The following ARHGEF4 variants were observed in gnomAD, a reference collection of about 807,000 sequenced individuals.
ARHGEF4 encodes the protein Rho guanine nucleotide exchange factor 4.
A neutral mutation model predicts 162.0 loss-of-function variants in ARHGEF4; 119 were observed. That is an observed-to-expected ratio of 0.73 (90% CI 0.63 to 0.86). The LOEUF (loss-of-function observed/expected upper bound fraction) is 0.86. ARHGEF4 is among the 40% of genes least tolerant of loss of function. The pLI is 0.00. For synonymous variants in ARHGEF4, 1,014 were observed against 979.9 expected, an observed-to-expected ratio of 1.03 and a Z score of -0.65; for missense variants, 2,488 against 2,456.0, an observed-to-expected ratio of 1.01 and a Z score of -0.28.
chr2:130,928,096 G>C (rs1682404463), intron 2 of ARHGEF4, among the ~76,000 whole-genome samples: 1 of 151,964 alleles, frequency 6.6e-6, no homozygotes, highest in Non-Finnish European at 1.5e-5. Context: ...TAAATGCCTA[G>C]CAATCTTTGG....
intron 1 of ARHGEF4, among the ~76,000 whole-genome samples, chr2:130,839,561 G>A (rs984783108): frequency 6.6e-6 from 1 of 152,178 alleles, no homozygotes; most frequent in Admixed American, 6.5e-5. Flanking sequence ...CATGACAGTC[G>A]TGTGGCAGAG....
Position 130,917,495 on chromosome 2 carries a change from T to A in ARHGEF4, c.3549T>A (p.Ser1183Arg), listed in dbSNP as rs1681575331. 2 of 1,547,796 alleles carry A rather than the reference T, an allele frequency of 1.3e-6. No individual in the cohort carries two copies. The highest frequency in any genetic ancestry group is 1.7e-6 in the Non-Finnish European group (2 of 1,146,088). ...CCTGGCTCAGGGACCTTCCTGGGAG[T>A]GAGGTGAGTATCTGAATCGCACCAA... is the stretch of plus-strand genomic sequence containing the variant. The part of the protein sequence containing the change: ...TVPWLRDLPG[S>R]ENHMPWEEPA... Residue 1183 changes from serine to arginine, a missense_variant, in exon 2 of 14, where the codon AGT (serine) becomes AGA (arginine). Ser to Arg is a moderately radical substitution (Grantham distance 110). Coordinates refer to ENST00000409359, the MANE Select transcript of ARHGEF4 (RefSeq NM_001367493.1).
chr2:130,971,982 G>A (rs566527798), intron 4 of ARHGEF4, among the ~76,000 whole-genome samples: 1 of 152,292 alleles, frequency 6.6e-6, no homozygotes, highest in African/African-American at 2.4e-5. Flanking sequence ...CCAGGTACTA[G>A]GCCAGTTTTT....
chr2:130,863,941 T>G (rs2104910284), intron 1 of ARHGEF4, among the ~76,000 whole-genome samples: 1 of 126,450 alleles, frequency 7.9e-6, no homozygotes, highest in South Asian at 3.0e-4. Context: ...TCCCAGCACT[T>G]TGGGAGGCCG....
chr2:131,025,255 G>A (rs570382321), intron 4 of ARHGEF4, among the ~76,000 whole-genome samples: 30 of 152,236 alleles, frequency 2.0e-4, no homozygotes, highest in African/African-American at 5.8e-4. Context: ...GGGAAGTGCT[G>A]CATACTTTTA....
At chr2:130,871,057 C>T (rs1330402523) in intron 1 of ARHGEF4, among the ~76,000 whole-genome samples, 7 of 152,084 alleles carry the variant, frequency 4.6e-5, no homozygotes, top group Non-Finnish European at 5.9e-5. Flanking sequence ...CAGTGGGAGA[C>T]GAGCTCCAAC....
chr2:131,021,944 T>C (rs1689161867), intron 4 of ARHGEF4, among the ~76,000 whole-genome samples: 1 of 152,246 alleles, frequency 6.6e-6, no homozygotes, highest in South Asian at 2.1e-4. Flanking sequence ...GTTAATTTAG[T>C]GTATTATATT....
Position 130,917,459 on chromosome 2 carries a change from G to A in ARHGEF4, c.3513G>A (p.Leu1171=). 1.3e-6 allele frequency: 2 copies of A among 1,550,490 alleles called. No homozygotes were observed. The highest frequency in any genetic ancestry group is 1.7e-6 in the Non-Finnish European group (2 of 1,146,970). ...AAGGAGGCCAGGGTCCGCGCGGCTT[G>A]GGCACAGTGCCCTGGCTCAGGGACC... ...SREGGQGPRG[L]GTVPWLRDLP... is the part of the protein sequence containing the mutation. Residue 1171 remains leucine, a synonymous_variant, in exon 2 of 14, where the codon TTG becomes TTA. Coordinates refer to ENST00000409359, the MANE Select transcript of ARHGEF4 (RefSeq NM_001367493.1).
chr2:130,917,396 G>C lies in ARHGEF4; in HGVS notation c.3450G>C (p.Gln1150His). Residue 1150 changes from glutamine to histidine, a missense_variant, in exon 2 of 14, where the codon CAG (glutamine) becomes CAC (histidine). By Grantham distance (24) the Gln-to-His change is conservative (BLOSUM62 0). This residue lies in a region of ARHGEF4 where 1,642 missense variants were observed against 1,481.5 expected (regional missense o/e 1.11). Transcript: ENST00000409359. The part of the protein sequence containing the change: ...KGQTSFLLSL[Q>H]TLNQDEQKEE... The stretch of plus-strand genomic sequence containing the variant: ...AGACCAGTTTCCTGCTTTCTCTGCA[G>C]ACGCTAAACCAAGATGAGCAGAAGG... The C allele has an allele frequency of 6.4e-7, 1 of 1,550,656 alleles. No individual in the cohort carries two copies. The highest frequency in any genetic ancestry group is 2.4e-5 in the East Asian group (1 of 40,916).
chr2:130,928,490 C>T lies in ARHGEF4; in HGVS notation c.3553-2462C>T, dbSNP rs764580033. Among the ~76,000 whole-genome samples, 9 of 152,172 alleles carry T rather than the reference C, an allele frequency of 5.9e-5. No homozygotes were observed. In the East Asian group the frequency reaches 9.6e-4, roughly 16 times the overall value. On this transcript the variant is annotated intron_variant, in intron 2 of 13. Transcript: ENST00000409359. ...CAATTATTCAGGACCACAAGTCTCT[C>T]GTGTTTGATCTTGGCTGGCAGTTTG...
At chr2:130,964,294 G>T in intron 4 of ARHGEF4, 1 of 981,688 alleles carries the variant, frequency 1.0e-6, no homozygotes, top group Non-Finnish European at 1.2e-6. Flanking sequence ...CTCCGCGCCC[G>T]GGTCTGTGCT....
rs1170359041 is a variant in ARHGEF4, at chr2:131,040,460, C to T, written c.4662+20C>T. The T allele has an allele frequency of 6.5e-7, 1 of 1,536,756 alleles. No individual in the cohort carries two copies. The highest frequency in any genetic ancestry group is 2.0e-5 in the Admixed American group (1 of 49,112). On this transcript the variant is annotated intron_variant, in intron 8 of 13. Transcript: ENST00000409359. ...GAGCATGTGAGCGCGCGGCCCCCGG[C>T]CCCTACCTGGGCGCTGCGTTCACAG...
At chr2:130,977,450 T>A (rs1452850053) in intron 4 of ARHGEF4, among the ~76,000 whole-genome samples, 1 of 151,872 alleles carries the variant, frequency 6.6e-6, no homozygotes, top group Non-Finnish European at 1.5e-5. Context: ...GTATGTTGCG[T>A]GTGTGTGTAG....
intron 5 of ARHGEF4, among the ~76,000 whole-genome samples, chr2:131,036,075 C>G (rs1482097597): frequency 6.6e-6 from 1 of 152,230 alleles, no homozygotes; most frequent in African/African-American, 2.4e-5. Context: ...TCCCTGCAGG[C>G]AGAGAGGCAG....
intron 1 of ARHGEF4, among the ~76,000 whole-genome samples, chr2:130,884,555 G>C (rs1559019097): frequency 1.3e-5 from 2 of 152,076 alleles, no homozygotes; most frequent in Admixed American, 1.3e-4. Flanking sequence ...CAGCGCACCT[G>C]ATATATGGTG....
Position 130,914,481 on chromosome 2 carries a change from C to A in ARHGEF4, c.535C>A (p.Arg179=). ...AGAGTCTTTGCTGGCAGGGGTTCCC[C>A]GACACACAGGGTGCTGCTTACAGAG... The part of the protein sequence containing the change: ...ERESLLAGVP[R]HTGCCLQRAT... Residue 179 remains arginine, a synonymous_variant, in exon 2 of 14, where the codon CGA becomes AGA. Transcript: ENST00000409359. 1 of 1,433,020 alleles carries A rather than the reference C, an allele frequency of 7.0e-7. No individual in the cohort carries two copies. Among genetic ancestry groups the A allele is most frequent in the South Asian group, 1.5e-5 (1 of 65,786 alleles). The allele number at this position is 1,433,020 out of a possible 1,614,324, so 88.8% of individuals were successfully genotyped here.
At chr2:130,981,673 GAAAA>G (rs76020654) in intron 4 of ARHGEF4, among the ~76,000 whole-genome samples, 27 of 146,336 alleles carry the variant, frequency 1.8e-4, no homozygotes, top group African/African-American at 6.1e-4. Flanking sequence ...AAAAAAAAAA[GAAAA>G]AAAAGAAGTA....
At chr2:130,876,375 G>T (rs1039038180) in intron 1 of ARHGEF4, among the ~76,000 whole-genome samples, 2 of 152,148 alleles carry the variant, frequency 1.3e-5, no homozygotes, top group African/African-American at 4.8e-5. Flanking sequence ...CTGTGTGCTA[G>T]GTACTTTGTA....
Position 130,846,512 on chromosome 2 carries a change from G to A in ARHGEF4, c.39+9520G>A, listed in dbSNP as rs78906586. Among the ~76,000 whole-genome samples the A allele has an allele frequency of 1.9e-3, 294 of 152,306 alleles. 8 individuals are homozygous for A. The East Asian group carries it at 0.04, about 21-fold the overall frequency. ...CCAGGACCCTCAGGAACCTGCCTGCGGGGGCTGTGACCCCTGCCGTGGGGA... is the reference window on the plus strand; with the variant it reads ...CCAGGACCCTCAGGAACCTGCCTGCAGGGGCTGTGACCCCTGCCGTGGGGA... On this transcript the variant is annotated intron_variant, in intron 1 of 13. Transcript: ENST00000409359.
Sources: gnomAD v4.1 joint callset for allele counts (sites outside exome capture counted in the v4.1 genomes callset) on GRCh38, gnomAD v4.1.1 for gene constraint, gnomAD v4.1.1 regional missense constraint, MANE v1.5 for transcripts, NCBI Gene and HGNC (gene_info 2026-07-23, HGNC 2026-07-21) for gene names.